The following CPED1 variants were observed in gnomAD, a reference collection of about 807,000 sequenced individuals.
CPED1 encodes cadherin like and PC-esterase domain containing 1, also known as cadherin-like and PC-esterase domain-containing protein 1.
Under a neutral mutation model 128.2 loss-of-function variants are expected in CPED1, and 114 were observed. That is an observed-to-expected ratio of 0.89 (90% confidence interval 0.76 to 1.04). The LOEUF is 1.04. Ranked by LOEUF, CPED1 falls within the 50% of genes least tolerant of loss-of-function variation. The probability of loss-of-function intolerance (pLI) is 0.00; values close to 1 mark genes in which losing one functional copy is unlikely to be tolerated. For missense variants in CPED1, 1,211 were observed against 1,207.1 expected (o/e 1.00, Z -0.05); for synonymous variants, 462 against 426.7 (o/e 1.08, Z -1.02).
chr7:121,024,496 T>C (rs1033596085), intron 3 of CPED1, among the ~76,000 whole-genome samples: 6 of 152,290 alleles, frequency 3.9e-5, no homozygotes, highest in South Asian at 2.1e-4. Context: ...TCTAATTGTT[T>C]GATCTTTTTA....
At chr7:121,154,828 G>A (rs1796248762) in intron 16 of CPED1, among the ~76,000 whole-genome samples, 1 of 152,228 alleles carries the variant, frequency 6.6e-6, no homozygotes, top group African/African-American at 2.4e-5. Context: ...ACAGGCGTGA[G>A]CCACCGCGCC....
chr7:121,012,583 A>G (rs1413377934), intron 2 of CPED1, among the ~76,000 whole-genome samples: 3 of 152,208 alleles, frequency 2.0e-5, no homozygotes, highest in African/African-American at 7.2e-5. Context: ...ATAATTGTTC[A>G]CATCGTTTTA....
At chr7:121,204,225 C>T (rs1022195044) in intron 16 of CPED1, among the ~76,000 whole-genome samples, 3 of 152,102 alleles carry the variant, frequency 2.0e-5, no homozygotes. Flanking sequence ...TATATCCTTT[C>T]CTTTCTTGCT....
chr7:121,028,425 A>G (rs955368786), intron 3 of CPED1, among the ~76,000 whole-genome samples: 2 of 152,198 alleles, frequency 1.3e-5, no homozygotes, highest in African/African-American at 4.8e-5. Flanking sequence ...TCACTTTGGT[A>G]AGAAGCCCCA....
At chr7:120,999,647 G>A (rs1422690636) in intron 2 of CPED1, among the ~76,000 whole-genome samples, 1 of 152,100 alleles carries the variant, frequency 6.6e-6, no homozygotes, top group African/African-American at 2.4e-5. Context: ...ATGTATACGA[G>A]GCTCTCAAGA....
At position 121,294,029 on chromosome 7, in the gene CPED1, C is replaced by T. The variant is rs1021639547; in HGVS notation, c.2869-1411C>T. Among the ~76,000 whole-genome samples the T allele has an allele frequency of 7.2e-5, 11 of 152,116 alleles. No individual in the cohort carries two copies. The East Asian group carries it at 1.5e-3, about 21-fold the overall frequency. On this transcript the variant is annotated intron_variant, in intron 22 of 22. Coordinates refer to ENST00000310396, the MANE Select transcript of CPED1 (RefSeq NM_024913.5). Reference sequence around the variant, plus strand: ...ATCCTTACCAGTACTTTTTCTCCTTCCCTTCCTCTCTTTTTCTACTTCCCA... The same window carrying T: ...ATCCTTACCAGTACTTTTTCTCCTTTCCTTCCTCTCTTTTTCTACTTCCCA...
intron 16 of CPED1, among the ~76,000 whole-genome samples, chr7:121,163,261 C>G (rs930235047): frequency 1.1e-4 from 17 of 152,240 alleles, no homozygotes. Flanking sequence ...CCACAACATT[C>G]TATTACATCT....
At chr7:121,273,063 T>C (rs528661349) in intron 22 of CPED1, among the ~76,000 whole-genome samples, 1 of 146,930 alleles carries the variant, frequency 6.8e-6, no homozygotes, top group African/African-American at 2.7e-5. Flanking sequence ...CAGCTGAAAC[T>C]GAGATGAATA....
Position 121,130,241 on chromosome 7 carries a change from A to ATT in CPED1, c.1526_1527dup (p.Glu510LeufsTer7). The stretch of plus-strand genomic sequence containing the variant: ...CCCAATACTGGTCTCTTTTAAATGT[A>ATT]TTTGAACAATTTCAGTTCATGAATA... On this transcript the variant is annotated frameshift_variant, in exon 12 of 23. Coordinates refer to ENST00000310396, the MANE Select transcript of CPED1 (RefSeq NM_024913.5). LOFTEE classifies it high-confidence loss of function. 1 of 1,610,290 alleles carries ATT rather than the reference A, an allele frequency of 6.2e-7. No homozygotes were observed. Among genetic ancestry groups the ATT allele is most frequent in the African/African-American group, 1.3e-5 (1 of 74,832 alleles).
rs761715824 is a variant in CPED1 at position 120,995,965 on chromosome 7, TCC to T, written c.249+6096_249+6097del. Among the ~76,000 whole-genome samples, 713 of 144,394 alleles carry T rather than the reference TCC, an allele frequency of 4.9e-3. 2 individuals are homozygous for T. Among genetic ancestry groups the T allele is most frequent in the Non-Finnish European group, 7.6e-3 (494 of 65,292 alleles). 94.7% of individuals were successfully genotyped at this position (144,394 alleles called of 152,430 possible). On this transcript the variant is annotated intron_variant, in intron 2 of 22. Coordinates refer to ENST00000310396, the MANE Select transcript of CPED1 (RefSeq NM_024913.5). ...CTTCTTCTCCTCCTCCTCCTCCTCC[TCC>T]TCCTTCTTCTTCTTCTTCTTCTTCA...
rs539326312 is a variant in CPED1, at chr7:121,186,896, G to A, written c.2055+44755G>A. Among the ~76,000 whole-genome samples the A allele has an allele frequency of 1.6e-4, 24 of 152,126 alleles. 1 individual carries two copies. The highest frequency in any genetic ancestry group is 2.6e-4 in the Admixed American group (4 of 15,262). On this transcript the variant is annotated intron_variant, in intron 16 of 22. Transcript: ENST00000310396. Reference sequence around the variant, plus strand: ...CATATATCCATTGTGCTGGGTCATCGTACTTCAGAAGAGTCTGCACATTAG... The same window carrying A: ...CATATATCCATTGTGCTGGGTCATCATACTTCAGAAGAGTCTGCACATTAG...
At chr7:121,091,834 T>A (rs1476960975) in intron 5 of CPED1, among the ~76,000 whole-genome samples, 1 of 152,190 alleles carries the variant, frequency 6.6e-6, no homozygotes, top group African/African-American at 2.4e-5. Flanking sequence ...AAAATGTTAT[T>A]TATAATATTA....
At chr7:121,094,415 G>A (rs544534281) in intron 5 of CPED1, among the ~76,000 whole-genome samples, 2 of 152,110 alleles carry the variant, frequency 1.3e-5, no homozygotes, top group African/African-American at 4.8e-5. Flanking sequence ...TTTGACTGTG[G>A]TGTATATACT....
intron 3 of CPED1, among the ~76,000 whole-genome samples, chr7:121,037,068 T>A (rs1262649368): frequency 1.3e-5 from 2 of 152,138 alleles, no homozygotes; most frequent in Non-Finnish European, 2.9e-5. Flanking sequence ...AATGTGAAGA[T>A]TTTCTTTCCC....
Position 121,140,867 on chromosome 7 carries a change from T to C in CPED1, c.1740T>C (p.His580=), listed in dbSNP as rs1235523151. 1 of 1,612,528 alleles carries C rather than the reference T, an allele frequency of 6.2e-7. No homozygotes were observed. The highest frequency in any genetic ancestry group is 1.1e-5 in the South Asian group (1 of 90,966). ...TPCHIKQIFT[H]PHLELNPDFH... ...GTCATATCAAGCAGATCTTCACACA[T>C]CCACATTTGGAACTAAATCCTGACT... is the stretch of plus-strand genomic sequence containing the variant. The change falls in exon 15 of 23, where the codon CAT becomes CAC. Residue 580 remains histidine (H), a synonymous_variant. Coordinates refer to ENST00000310396, the MANE Select transcript of CPED1 (RefSeq NM_024913.5).
At chr7:121,149,422 T>G (rs1317017050) in intron 16 of CPED1, 2 of 152,204 alleles carry the variant, frequency 1.3e-5, no homozygotes, top group African/African-American at 4.8e-5. Flanking sequence ...AAGAGTCATG[T>G]TGAACACTCA....
At chr7:121,046,228 A>T (rs1697749853) in intron 3 of CPED1, among the ~76,000 whole-genome samples, 1 of 152,162 alleles carries the variant, frequency 6.6e-6, no homozygotes, top group Non-Finnish European at 1.5e-5. Flanking sequence ...AATAGCTGAA[A>T]TATCATTTGC....
chr7:120,996,678 G>T (rs924168086), intron 2 of CPED1, among the ~76,000 whole-genome samples: 1 of 152,070 alleles, frequency 6.6e-6, no homozygotes, highest in East Asian at 1.9e-4. Context: ...AGCCCTTATG[G>T]CTATGTAAAG....
At chr7:121,183,056 G>A (rs765301889) in intron 16 of CPED1, among the ~76,000 whole-genome samples, 17 of 151,682 alleles carry the variant, frequency 1.1e-4, no homozygotes, top group Non-Finnish European at 1.5e-4. Context: ...AATCATCCAA[G>A]AAACTGCAGT....
Sources: gnomAD v4.1 joint callset for allele counts (sites outside exome capture counted in the v4.1 genomes callset) on GRCh38, gnomAD v4.1.1 for gene constraint, MANE v1.5 for transcripts, NCBI Gene and HGNC (gene_info 2026-07-23, HGNC 2026-07-21) for gene names.